The following BLTP3A variants were observed in gnomAD, a reference collection of about 807,000 sequenced individuals.
The protein encoded by BLTP3A is ICBP90 binding protein 1.
chr6:34,853,292 T>G, the BLTP3A span, among the ~76,000 whole-genome samples: 1 of 152,062 alleles, frequency 6.6e-6, no homozygotes, highest in African/African-American at 2.4e-5. Context: ...TCCTCCTGCC[T>G]CAGCCTCCTG....
At chr6:34,839,253 T>G in the BLTP3A span, among the ~76,000 whole-genome samples, 2 of 152,084 alleles carry the variant, frequency 1.3e-5, no homozygotes, top group African/African-American at 4.8e-5. Context: ...TCCATCTAGA[T>G]AGACATTTTA....
the BLTP3A span, among the ~76,000 whole-genome samples, chr6:34,830,201 G>A: frequency 1.3e-5 from 2 of 152,096 alleles, no homozygotes; most frequent in African/African-American, 2.4e-5. Context: ...TGATCCACTC[G>A]CCTCAGCCTC....
At chr6:34,859,885 G>T in the BLTP3A span, among the ~76,000 whole-genome samples, 1 of 151,952 alleles carries the variant, frequency 6.6e-6, no homozygotes, top group Non-Finnish European at 1.5e-5. Flanking sequence ...TGGGATTATA[G>T]ACACCTGCCA....
At chr6:34,821,116 C>G in the BLTP3A span, among the ~76,000 whole-genome samples, 1 of 152,092 alleles carries the variant, frequency 6.6e-6, no homozygotes, top group African/African-American at 2.4e-5. Flanking sequence ...GCCACCACAC[C>G]CGGCTAATTT....
chr6:34,798,594 C>CTTTTTTTTTTTTTTTTTTTCTTTTTT, the BLTP3A span, among the ~76,000 whole-genome samples: 1 of 94,500 alleles, frequency 1.1e-5, no homozygotes, highest in African/African-American at 4.8e-5. Context: ...TTCTTTCTTT[C>CTTTTTTTTTTTTTTTTTTTCTTTTTT]TTTTTTTTTT....
chr6:34,836,216 G>GGCAACA, the BLTP3A span: 1 of 1,614,164 alleles, frequency 6.2e-7, no homozygotes, highest in Non-Finnish European at 8.5e-7. Context: ...TGGCAGCCAG[G>GGCAACA]GCAACAGCAA....
chr6:34,795,832 C>G, the BLTP3A span, among the ~76,000 whole-genome samples: 1 of 152,116 alleles, frequency 6.6e-6, no homozygotes, highest in African/African-American at 2.4e-5. Flanking sequence ...TTCTGATTTT[C>G]TCAGCATTGG....
At chr6:34,853,726 A>T in the BLTP3A span, among the ~76,000 whole-genome samples, 1 of 151,708 alleles carries the variant, frequency 6.6e-6, no homozygotes, top group Non-Finnish European at 1.5e-5. Context: ...ACATCCAGCT[A>T]ATTTTTGTAT....
the BLTP3A span, among the ~76,000 whole-genome samples, chr6:34,829,225 A>G: frequency 6.6e-6 from 1 of 152,108 alleles, no homozygotes; most frequent in African/African-American, 2.4e-5. Flanking sequence ...TCATCACCCA[A>G]GAGAAACTCC....
the BLTP3A span, chr6:34,874,903 T>TCC: frequency 6.6e-6 from 1 of 152,228 alleles, no homozygotes; most frequent in African/African-American, 2.4e-5. Flanking sequence ...CAGCCAAAAT[T>TCC]ATCAGGGGAT....
At chr6:34,877,307 TA>T in the BLTP3A span, 4 of 152,664 alleles carry the variant, frequency 2.6e-5, no homozygotes, top group African/African-American at 9.6e-5. Context: ...GGATGCCAGT[TA>T]CATACAATAG....
At chr6:34,872,075 A>T in the BLTP3A span, 2 of 899,452 alleles carry the variant, frequency 2.2e-6, no homozygotes, top group South Asian at 3.5e-5. Flanking sequence ...CGGCTTCTAG[A>T]AGTGCTGACT....
At chr6:34,857,898 T>C in the BLTP3A span, 2 of 1,613,748 alleles carry the variant, frequency 1.2e-6, no homozygotes, top group Non-Finnish European at 1.7e-6. Flanking sequence ...GACATCCGAC[T>C]AGATGCATTC....
chr6:34,821,529 T>A, the BLTP3A span: 1 of 956,420 alleles, frequency 1.0e-6, no homozygotes, highest in Non-Finnish European at 1.5e-6. Context: ...ACTGCTTCAC[T>A]TGACTAGCCT....
chr6:34,827,818 G>C, the BLTP3A span, among the ~76,000 whole-genome samples: 1 of 152,150 alleles, frequency 6.6e-6, no homozygotes, highest in East Asian at 1.9e-4. Context: ...TTTTAGTAAG[G>C]ACGGGGTTTC....
the BLTP3A span, among the ~76,000 whole-genome samples, chr6:34,801,554 T>A: frequency 6.6e-6 from 1 of 152,140 alleles, no homozygotes. Flanking sequence ...CTGCAGTACA[T>A]GGAATAATCT....
chr6:34,864,974 G>A, the BLTP3A span, among the ~76,000 whole-genome samples: 854 of 152,030 alleles, frequency 5.6e-3, 4 homozygotes, highest in Non-Finnish European at 7.5e-3. Context: ...TCAAAAAAAA[G>A]AGAGAATGTC....
the BLTP3A span, among the ~76,000 whole-genome samples, chr6:34,792,539 T>C: frequency 6.6e-6 from 1 of 151,980 alleles, no homozygotes; most frequent in African/African-American, 2.4e-5. Context: ...GCCGCTAGTC[T>C]CTCCCCACTC....
At chr6:34,853,983 G>C in the BLTP3A span, among the ~76,000 whole-genome samples, 3 of 152,186 alleles carry the variant, frequency 2.0e-5, no homozygotes, top group South Asian at 2.1e-4. Flanking sequence ...CTGCACTTTG[G>C]GGGGCCGAGG....
Sources: allele counts gnomAD v4.1 joint callset (sites outside exome capture counted in the v4.1 genomes callset), GRCh38; gene constraint gnomAD v4.1.1; transcripts MANE v1.5; gene names NCBI Gene and HGNC (gene_info 2026-07-23, HGNC 2026-07-21).